The following TOX2 variants were observed in gnomAD, a reference collection of about 807,000 sequenced individuals.
TOX2 encodes granulosa cell HMG box 1.
Under a neutral mutation model 47.4 loss-of-function variants are expected in TOX2, and 15 were observed. The observed-to-expected ratio is 0.32, with a 90% CI of 0.21 to 0.49. TOX2 has a LOEUF of 0.49. TOX2 is among the 20% of genes least tolerant of loss of function. The pLI, the probability that TOX2 is intolerant of heterozygous loss-of-function variation, is 0.99. For missense variants in TOX2, 622 were observed against 673.1 expected (o/e 0.92, Z 0.84); for synonymous variants, 290 against 296.6 (o/e 0.98, Z 0.23).
Position 43,916,965 on chromosome 20 carries a change from A to G in TOX2, c.99+1975A>G, listed in dbSNP as rs527413695. Among the ~76,000 whole-genome samples the G allele has an allele frequency of 4.6e-5, 7 of 150,942 alleles. No individual in the cohort carries two copies. Among genetic ancestry groups the G allele is most frequent in the Non-Finnish European group, 1.0e-4 (7 of 67,692 alleles). ...CGAATCTCGCCGGGAAGGGCCCGTC[A>G]GGGAGGGAATGAGAAGCCGGCGATT... On this transcript the variant is annotated intron_variant, in intron 1 of 8. Coordinates refer to ENST00000341197, the MANE Select transcript of TOX2 (RefSeq NM_001098797.2). The surrounding 1 kb of genome is among the most constrained non-coding windows in gnomAD (Gnocchi z 5.0).
intron 1 of TOX2, among the ~76,000 whole-genome samples, chr20:43,940,017 A>G (rs1290380907): frequency 6.6e-6 from 1 of 152,168 alleles, no homozygotes; most frequent in Admixed American, 6.5e-5. Context: ...GGACTTGTTC[A>G]TCTGGATAGT....
At chr20:44,032,122 C>T (rs2071163877) in intron 3 of TOX2, among the ~76,000 whole-genome samples, 1 of 152,032 alleles carries the variant, frequency 6.6e-6, no homozygotes, top group South Asian at 2.1e-4. Context: ...GTAGGATGGT[C>T]GGGGAAGGCC....
chr20:43,965,963 T>C (rs370688005), intron 1 of TOX2, among the ~76,000 whole-genome samples: 1 of 152,176 alleles, frequency 6.6e-6, no homozygotes, highest in Non-Finnish European at 1.5e-5. Flanking sequence ...TCTGCTAGAC[T>C]GAGGGAGATG....
intron 1 of TOX2, among the ~76,000 whole-genome samples, chr20:43,919,971 A>G (rs1008218738): frequency 6.6e-6 from 1 of 152,198 alleles, no homozygotes; most frequent in Non-Finnish European, 1.5e-5. Flanking sequence ...GCGAGATTGT[A>G]AAAACAGATT....
chr20:44,014,800 C>T (rs183287148), intron 3 of TOX2, among the ~76,000 whole-genome samples: 37 of 152,170 alleles, frequency 2.4e-4, no homozygotes, highest in African/African-American at 8.9e-4. Flanking sequence ...TAAGTTTGTC[C>T]GGGCTGACCT....
intron 1 of TOX2, among the ~76,000 whole-genome samples, chr20:43,939,656 T>G (rs2069375378): frequency 6.6e-6 from 1 of 152,212 alleles, no homozygotes; most frequent in Non-Finnish European, 1.5e-5. Context: ...ATTCGTATAG[T>G]CAGACATGAG....
intron 3 of TOX2, among the ~76,000 whole-genome samples, chr20:44,048,481 A>G (rs983055945): frequency 1.3e-5 from 2 of 148,468 alleles, no homozygotes; most frequent in African/African-American, 4.9e-5. Context: ...CATGAAGGAT[A>G]TTGTGAAAAC....
rs2070533666 is a variant in TOX2 at position 43,999,177 on chromosome 20, T to C, written c.166-7370T>C. 2.0e-5 allele frequency among the ~76,000 whole-genome samples: 3 copies of C among 152,234 alleles called. No individual in the cohort carries two copies. The South Asian group carries it at 6.2e-4, about 32-fold the overall frequency. ...TCTTTTAATAAAGCAATTGAAATCATTCGTATTATGTTATGAATATTTAGT... is the reference window on the plus strand; with the variant it reads ...TCTTTTAATAAAGCAATTGAAATCACTCGTATTATGTTATGAATATTTAGT... On this transcript the variant is annotated intron_variant, in intron 2 of 8. Transcript: ENST00000341197.
In TOX2 at chr20:44,006,442, C is replaced by T. The variant is rs1001783283; in HGVS notation, c.166-105C>T. 68 of 1,503,794 alleles carry T rather than the reference C, an allele frequency of 4.5e-5. No individual in the cohort carries two copies. In the African/African-American group the frequency reaches 9.4e-4, roughly 21 times the overall value. 93.2% of individuals were successfully genotyped at this position (1,503,794 alleles called of 1,614,324 possible). The stretch of plus-strand genomic sequence containing the variant: ...AAACATCATCCCTTCTCTCCTTTGC[C>T]AAGGGGTTGCTATCGTTATTATTGT... On this transcript the variant is annotated intron_variant, in intron 2 of 8. Coordinates refer to ENST00000341197, the MANE Select transcript of TOX2 (RefSeq NM_001098797.2).
intron 3 of TOX2, among the ~76,000 whole-genome samples, chr20:44,040,578 T>G (rs1458215565): frequency 1.3e-5 from 2 of 152,196 alleles, no homozygotes; most frequent in African/African-American, 4.8e-5. Context: ...CTTTTTCTGC[T>G]GGGGATGATT....
At chr20:44,064,350 A>C (rs2071772470) in intron 5 of TOX2, among the ~76,000 whole-genome samples, 1 of 152,230 alleles carries the variant, frequency 6.6e-6, no homozygotes, top group South Asian at 2.1e-4. Context: ...CTAGGTCTAA[A>C]ATTTTTAATA....
chr20:44,029,521 A>G (rs1480245173), intron 3 of TOX2, among the ~76,000 whole-genome samples: 12 of 152,138 alleles, frequency 7.9e-5, no homozygotes, highest in Admixed American at 7.2e-4. Flanking sequence ...GCTCAACTGT[A>G]AGGTGGAAAC....
intron 4 of TOX2, among the ~76,000 whole-genome samples, chr20:44,053,437 TATAC>T (rs1234830028): frequency 3.4e-4 from 23 of 67,174 alleles, no homozygotes; most frequent in African/African-American, 9.9e-4. Flanking sequence ...AGGGCAGATA[TATAC>T]ACACACACAC....
intron 1 of TOX2, among the ~76,000 whole-genome samples, chr20:43,952,769 G>C (rs939300446): frequency 6.6e-6 from 1 of 152,200 alleles, no homozygotes; most frequent in Non-Finnish European, 1.5e-5. Flanking sequence ...GCCCTCTCCA[G>C]ACATATAGGC....
rs540054093 is a variant in TOX2, at chr20:43,928,997, A to AAAAAAAACAAC, written c.99+14009_99+14010insAAAAACAACAA. The stretch of plus-strand genomic sequence containing the variant: ...TAAAAATATGAAAAAAAAAAAAAAA[A>AAAAAAAACAAC]AACAACAACAAAAAAACTGGGCATG... On this transcript the variant is annotated intron_variant, in intron 1 of 8. Coordinates refer to ENST00000341197, the MANE Select transcript of TOX2 (RefSeq NM_001098797.2). Among the ~76,000 whole-genome samples, 509 of 149,562 alleles carry AAAAAAAACAAC rather than the reference A, an allele frequency of 3.4e-3. 2 individuals are homozygous for AAAAAAAACAAC. Among genetic ancestry groups the AAAAAAAACAAC allele is most frequent in the African/African-American group, 0.012 (482 of 39,612 alleles).
chr20:44,004,228 A>G (rs2070638242), intron 2 of TOX2, among the ~76,000 whole-genome samples: 1 of 152,186 alleles, frequency 6.6e-6, no homozygotes, highest in Admixed American at 6.5e-5. Flanking sequence ...AAACGAGAAC[A>G]TTGACTGGGC....
intron 5 of TOX2, among the ~76,000 whole-genome samples, chr20:44,058,649 C>T (rs1329225492): frequency 6.6e-6 from 1 of 152,244 alleles, no homozygotes; most frequent in Admixed American, 6.5e-5. Flanking sequence ...CCACTTCACT[C>T]CCCTGCTACT....
Position 44,022,306 on chromosome 20 carries a change from G to GT in TOX2, c.411+15523dup, listed in dbSNP as rs201634265. On this transcript the variant is annotated intron_variant, in intron 3 of 8. Transcript: ENST00000341197. Reference sequence around the variant, plus strand: ...TTACCCAGGCCCTCTGAACTTTAGTGTTTTTTTTTGTGTGTGTAAAATAGA... The same window carrying GT: ...TTACCCAGGCCCTCTGAACTTTAGTGTTTTTTTTTTGTGTGTGTAAAATAGA... Among the ~76,000 whole-genome samples the GT allele has an allele frequency of 6.5e-4, 99 of 151,372 alleles. 1 individual carries two copies. Among genetic ancestry groups the GT allele is most frequent in the South Asian group, 3.6e-3 (17 of 4,764 alleles).
intron 1 of TOX2, among the ~76,000 whole-genome samples, chr20:43,965,017 G>C (rs1423434372): frequency 6.6e-6 from 1 of 152,178 alleles, no homozygotes; most frequent in Non-Finnish European, 1.5e-5. Context: ...ATGTGTCAAA[G>C]AAGAAGGCAT....
Sources: allele counts gnomAD v4.1 joint callset (sites outside exome capture counted in the v4.1 genomes callset), GRCh38; gene constraint gnomAD v4.1.1; non-coding constraint Gnocchi (gnomAD v3.1); transcripts MANE v1.5; gene names NCBI Gene and HGNC (gene_info 2026-07-23, HGNC 2026-07-21).